Variants in STK33 observed in about 807,000 individuals in gnomAD.
STK33 encodes serine/threonine-protein kinase 33.
A neutral mutation model predicts 58.0 loss-of-function variants in STK33; 52 were observed. The ratio of observed to expected loss-of-function variants is 0.90; its 90% confidence interval spans 0.72 to 1.13. STK33 has a LOEUF of 1.13. STK33 is among the 50% of genes most tolerant of loss of function. The pLI, the probability that STK33 is intolerant of heterozygous loss-of-function variation, is 0.00. For missense variants in STK33, 630 were observed against 604.2 expected (o/e 1.04, Z -0.45); for synonymous variants, 215 against 200.1 (o/e 1.07, Z -0.63).
At chr11:8,563,352 G>T (rs1306921274) in intron 1 of STK33, among the ~76,000 whole-genome samples, 1 of 152,118 alleles carries the variant, frequency 6.6e-6, no homozygotes, top group Non-Finnish European at 1.5e-5. Flanking sequence ...CTGGGTTGGT[G>T]TCCCAAGCTC....
At chr11:8,444,374 C>T (rs1311980279) in intron 11 of STK33, among the ~76,000 whole-genome samples, 1 of 152,082 alleles carries the variant, frequency 6.6e-6, no homozygotes, top group East Asian at 1.9e-4. Flanking sequence ...TGCTCTAAAA[C>T]ATCAGATTTA....
intron 14 of STK33, among the ~76,000 whole-genome samples, chr11:8,424,543 A>C (rs1254938249): frequency 6.6e-6 from 1 of 151,900 alleles, no homozygotes; most frequent in Non-Finnish European, 1.5e-5. Flanking sequence ...TTCTAATTCT[A>C]GATCCCTGAG....
intron 1 of STK33, among the ~76,000 whole-genome samples, chr11:8,551,107 A>C (rs758766382): frequency 3.3e-5 from 5 of 152,100 alleles, no homozygotes; most frequent in Non-Finnish European, 7.4e-5. Context: ...GACTCCCTGA[A>C]ATTATTTAAG....
intron 14 of STK33, among the ~76,000 whole-genome samples, chr11:8,427,184 A>G (rs1012787755): frequency 6.6e-6 from 1 of 152,140 alleles, no homozygotes; most frequent in Non-Finnish European, 1.5e-5. Flanking sequence ...GAGCTCTTGT[A>G]TATTTGAAAA....
intron 13 of STK33, among the ~76,000 whole-genome samples, 160 bp from the exon 14 acceptor site, chr11:8,435,739 C>G (rs908091807): frequency 2.6e-5 from 4 of 151,958 alleles, no homozygotes; most frequent in African/African-American, 9.7e-5. Context: ...AGTTTAAAGC[C>G]TAAAGTGAAG....
At chr11:8,535,938 C>A (rs1954964280) in intron 1 of STK33, among the ~76,000 whole-genome samples, 1 of 152,064 alleles carries the variant, frequency 6.6e-6, no homozygotes, top group Admixed American at 6.6e-5. Flanking sequence ...TAAAGTCATA[C>A]CATTTTGCAG....
intron 1 of STK33, among the ~76,000 whole-genome samples, chr11:8,489,504 C>T (rs144015338): frequency 3.3e-5 from 5 of 152,254 alleles, no homozygotes; most frequent in Admixed American, 2.0e-4. Flanking sequence ...TGAATATCAT[C>T]TCATGGTGGA....
At chr11:8,523,632 CGCCCGGCAGCT>C (rs1953735390) in intron 1 of STK33, among the ~76,000 whole-genome samples, 1 of 151,000 alleles carries the variant, frequency 6.6e-6, no homozygotes, top group African/African-American at 2.4e-5. Flanking sequence ...GGAGCATCTC[CGCCCGGCAGCT>C]GCCCAGTCCG....
Position 8,544,809 on chromosome 11 carries a change from A to G in STK33, c.-466+49274T>C, listed in dbSNP as rs2140415267. ...ATAAATTACAAACACTAAGTCAATTATAAATGTTTACACATTATTCTGCTA... is the reference window on the plus strand; with the variant it reads ...ATAAATTACAAACACTAAGTCAATTGTAAATGTTTACACATTATTCTGCTA... On this transcript the variant is annotated intron_variant, in intron 1 of 15. Transcript: ENST00000687296. 1.3e-5 allele frequency among the ~76,000 whole-genome samples: 2 copies of G among 152,342 alleles called. 1 individual carries two copies. Among genetic ancestry groups the G allele is most frequent in the African/African-American group, 4.8e-5 (2 of 41,588 alleles).
intron 1 of STK33, among the ~76,000 whole-genome samples, chr11:8,556,654 G>C (rs1956762746): frequency 6.6e-6 from 1 of 151,972 alleles, no homozygotes; most frequent in African/African-American, 2.4e-5. Context: ...CTCTTTCAAA[G>C]GAACTTGTAC....
intron 1 of STK33, among the ~76,000 whole-genome samples, chr11:8,497,859 G>A (rs895407931): frequency 1.3e-5 from 2 of 152,168 alleles, no homozygotes; most frequent in Non-Finnish European, 2.9e-5. Flanking sequence ...TGATTAGACT[G>A]AGGTCAGTAC....
intron 11 of STK33, among the ~76,000 whole-genome samples, chr11:8,450,815 T>G (rs994895864): frequency 1.3e-5 from 2 of 152,148 alleles, no homozygotes; most frequent in African/African-American, 4.8e-5. Flanking sequence ...TGGTTCAACA[T>G]TCTAAAATTG....
At chr11:8,589,526 T>C (rs1372673818) in intron 1 of STK33, among the ~76,000 whole-genome samples, 1 of 152,172 alleles carries the variant, frequency 6.6e-6, no homozygotes, top group Non-Finnish European at 1.5e-5. Context: ...ATGACTGCTA[T>C]TGGATGTGAG....
downstream of STK33, among the ~76,000 whole-genome samples, chr11:8,391,409 T>C (rs1181550556): frequency 6.6e-6 from 1 of 152,216 alleles, no homozygotes; most frequent in African/African-American, 2.4e-5. Flanking sequence ...AGTGCTATCT[T>C]TGACTCATTC....
chr11:8,440,164 A>G (rs972874189), intron 12 of STK33, among the ~76,000 whole-genome samples: 1 of 152,070 alleles, frequency 6.6e-6, no homozygotes, highest in Admixed American at 6.6e-5. Context: ...ATGACAGAGA[A>G]GGAAGAACAA....
At chr11:8,401,013 G>C (rs1482120357) in intron 15 of STK33, among the ~76,000 whole-genome samples, 1 of 152,128 alleles carries the variant, frequency 6.6e-6, no homozygotes, top group African/African-American at 2.4e-5. Context: ...TGGGTAGGAA[G>C]AATCAATATC....
At chr11:8,542,516 G>C (rs987891042) in intron 1 of STK33, among the ~76,000 whole-genome samples, 3 of 152,160 alleles carry the variant, frequency 2.0e-5, no homozygotes, top group Non-Finnish European at 4.4e-5. Context: ...CTGGTATCTA[G>C]AGGGTAAGAA....
chr11:8,366,978 A>G, the STK33 span, among the ~76,000 whole-genome samples: 10 of 151,018 alleles, frequency 6.6e-5, no homozygotes, highest in African/African-American at 2.5e-4. Flanking sequence ...GAGCACACAC[A>G]TGTGTGCAAG....
At chr11:8,503,088 A>G (rs1951631111) in intron 1 of STK33, among the ~76,000 whole-genome samples, 1 of 152,196 alleles carries the variant, frequency 6.6e-6, no homozygotes, top group African/African-American at 2.4e-5. Context: ...AAGAACTACC[A>G]TTTGACCCAG....
Sources: allele counts gnomAD v4.1 joint callset (sites outside exome capture counted in the v4.1 genomes callset), GRCh38; gene constraint gnomAD v4.1.1; transcripts MANE v1.5; gene names NCBI Gene and HGNC (gene_info 2026-07-23, HGNC 2026-07-21).